The following NR6A1 variants were observed in gnomAD, a reference collection of about 807,000 sequenced individuals.
NR6A1 encodes retinoic acid receptor-related testis-associated receptor.
Under a neutral mutation model 59.1 loss-of-function variants are expected in NR6A1, and 7 were observed. The observed-to-expected ratio is 0.12, with a 90% CI of 0.07 to 0.22. NR6A1 has a LOEUF of 0.22. Among genes scored for constraint, NR6A1 ranks in the 10% least tolerant of loss-of-function variants. The pLI is 1.00. For missense variants in NR6A1, 468 were observed against 611.6 expected (o/e 0.77, Z 2.48); for synonymous variants, 243 against 236.1 (o/e 1.03, Z -0.27).
chr9:124,537,510 T>C (rs1833304580), intron 6 of NR6A1, among the ~76,000 whole-genome samples: 1 of 152,162 alleles, frequency 6.6e-6, no homozygotes, highest in African/African-American at 2.4e-5. Flanking sequence ...GGTCTAAGCT[T>C]GATAACACTC....
chr9:124,642,222 G>C (rs971933803), intron 2 of NR6A1, among the ~76,000 whole-genome samples: 5 of 151,772 alleles, frequency 3.3e-5, no homozygotes, highest in Admixed American at 6.6e-5. Context: ...GCTAATTTTT[G>C]TATTTTTAGT....
chr9:124,626,779 C>CA (rs1836255533), intron 2 of NR6A1, among the ~76,000 whole-genome samples: 1 of 151,868 alleles, frequency 6.6e-6, no homozygotes, highest in African/African-American at 2.4e-5. Flanking sequence ...ACTAAAAATA[C>CA]AAAAATTAGC....
At chr9:124,559,466 A>G (rs975271282) in intron 2 of NR6A1, among the ~76,000 whole-genome samples, 9 of 152,194 alleles carry the variant, frequency 5.9e-5, no homozygotes, top group African/African-American at 2.2e-4. Context: ...AACCATTTAG[A>G]GATTTAAAGA....
At chr9:124,679,464 C>T (rs1438954923) in intron 2 of NR6A1, among the ~76,000 whole-genome samples, 1 of 152,158 alleles carries the variant, frequency 6.6e-6, no homozygotes, top group African/African-American at 2.4e-5. Context: ...TCCGCACCTG[C>T]CCCCTGATTA....
chr9:124,714,346 C>CA (rs1307454315), intron 2 of NR6A1, among the ~76,000 whole-genome samples: 2 of 152,132 alleles, frequency 1.3e-5, no homozygotes, highest in African/African-American at 4.8e-5. Flanking sequence ...TACTTAATGC[C>CA]ACTGACCAGC....
intron 2 of NR6A1, among the ~76,000 whole-genome samples, chr9:124,609,146 C>G (rs1282816926): frequency 6.6e-6 from 1 of 152,100 alleles, no homozygotes; most frequent in Non-Finnish European, 1.5e-5. Flanking sequence ...GCTTTTGTTG[C>G]AATTGCCTTT....
chr9:124,520,823 T>C lies in NR6A1; in HGVS notation c.*1882A>G, dbSNP rs1832784947. ...AATCTTCCCACTGACGTGAAAAACA[T>C]GCTAGCTGGAGCTTTTCCTGAGGAA... On this transcript the variant is annotated 3_prime_UTR_variant, in exon 10 of 10. Coordinates refer to ENST00000487099, the MANE Select transcript of NR6A1 (RefSeq NM_033334.4). 6.6e-6 allele frequency: 1 copy of C among 152,192 alleles called. No individual in the cohort carries two copies. The highest frequency in any genetic ancestry group is 1.5e-5 in the Non-Finnish European group (1 of 68,040). 9.4% of individuals were successfully genotyped at this position (152,192 alleles called of 1,614,324 possible).
At chr9:124,599,215 G>A in intron 2 of NR6A1, 1 of 473,128 alleles carries the variant, frequency 2.1e-6, no homozygotes. Flanking sequence ...GACTGAGGCG[G>A]GTGGATAACC....
intron 2 of NR6A1, among the ~76,000 whole-genome samples, chr9:124,556,612 C>A (rs1833936461): frequency 6.6e-6 from 1 of 152,062 alleles, no homozygotes; most frequent in African/African-American, 2.4e-5. Flanking sequence ...AGGTGCCTGC[C>A]ACCATGCCCT....
chr9:124,711,187 TAAAAAAAAAAAAAAAAA>T (rs58609931), intron 2 of NR6A1, among the ~76,000 whole-genome samples: 3 of 66,494 alleles, frequency 4.5e-5, no homozygotes, highest in African/African-American at 1.9e-4. Flanking sequence ...AGCTAAGGTT[TAAAAAAAAAAAAAAAAA>T]AAAAAAAAAA....
intron 2 of NR6A1, among the ~76,000 whole-genome samples, chr9:124,641,996 T>C (rs745878157): frequency 5.3e-5 from 8 of 152,144 alleles, no homozygotes; most frequent in African/African-American, 1.4e-4. Flanking sequence ...GGCTCTAAGT[T>C]TGAACTTGGC....
At chr9:124,634,331 G>A (rs1307229580) in intron 2 of NR6A1, among the ~76,000 whole-genome samples, 1 of 152,110 alleles carries the variant, frequency 6.6e-6, no homozygotes, top group Non-Finnish European at 1.5e-5. Context: ...TTTAAGAAAT[G>A]TTTTCTTTTA....
chr9:124,540,966 C>G (rs1416567742), intron 4 of NR6A1, among the ~76,000 whole-genome samples: 1 of 152,034 alleles, frequency 6.6e-6, no homozygotes, highest in African/African-American at 2.4e-5. Context: ...TTATACCGTT[C>G]ACAGAAGTCA....
At chr9:124,554,735 T>A (rs1355558257) in intron 2 of NR6A1, among the ~76,000 whole-genome samples, 165 bp from the exon 3 acceptor site, 2 of 152,178 alleles carry the variant, frequency 1.3e-5, no homozygotes, top group African/African-American at 4.8e-5. Context: ...AGTCCCTGTA[T>A]CTGTGGTTGC....
intron 2 of NR6A1, among the ~76,000 whole-genome samples, chr9:124,602,005 T>C (rs1835465837): frequency 6.6e-6 from 1 of 152,222 alleles, no homozygotes; most frequent in South Asian, 2.1e-4. Flanking sequence ...TTTTAGATCC[T>C]GATTTGAACC....
intron 2 of NR6A1, among the ~76,000 whole-genome samples, chr9:124,573,389 A>C (rs762790159): frequency 1.3e-5 from 2 of 152,202 alleles, no homozygotes; most frequent in Non-Finnish European, 2.9e-5. Context: ...AACAGCTTGG[A>C]CTATTATTAA....
At position 124,771,255 on chromosome 9, in the gene NR6A1, C is replaced by T. The variant is rs1435983040; in HGVS notation, c.-136G>A. The T allele has an allele frequency of 1.4e-5, 6 of 438,476 alleles. No homozygotes were observed. The highest frequency in any genetic ancestry group is 8.1e-5 in the African/African-American group (4 of 49,128). 27.2% of individuals were successfully genotyped at this position (438,476 alleles called of 1,614,324 possible). A position where few individuals can be genotyped will look rare whatever the true frequency, so the allele number is the denominator to read the frequency against. ...CCCGGCCGCGGCTCTCTCTGGGCCCCGAGCCGCCCGGCTCCGCGCCGCTCC... is the reference window on the plus strand; with the variant it reads ...CCCGGCCGCGGCTCTCTCTGGGCCCTGAGCCGCCCGGCTCCGCGCCGCTCC... On this transcript the variant is annotated 5_prime_UTR_variant, in exon 1 of 10. Transcript: ENST00000487099.
chr9:124,550,471 T>C (rs529368299), intron 3 of NR6A1, among the ~76,000 whole-genome samples: 4 of 150,810 alleles, frequency 2.7e-5, no homozygotes, highest in African/African-American at 9.7e-5. Flanking sequence ...AGGTTTACCT[T>C]AGCCTCCAGA....
intron 3 of NR6A1, among the ~76,000 whole-genome samples, chr9:124,545,478 C>T (rs1462131521): frequency 6.6e-6 from 1 of 152,184 alleles, no homozygotes; most frequent in African/African-American, 2.4e-5. Flanking sequence ...CATACATAGC[C>T]TATGTTAGAG....
Sources: allele counts gnomAD v4.1 joint callset (sites outside exome capture counted in the v4.1 genomes callset), GRCh38; gene constraint gnomAD v4.1.1; transcripts MANE v1.5; gene names NCBI Gene and HGNC (gene_info 2026-07-23, HGNC 2026-07-21).